The following SRRM4 variants were observed in gnomAD, a reference collection of about 807,000 sequenced individuals.
The protein encoded by SRRM4 is serine/arginine repetitive matrix 4.
Under a neutral mutation model 68.9 loss-of-function variants are expected in SRRM4, and 33 were observed. The ratio of observed to expected loss-of-function variants is 0.48; its 90% CI spans 0.36 to 0.64. The LOEUF (loss-of-function observed/expected upper bound fraction) is 0.64, where lower values mean the gene tolerates loss of function less well. Ranked by LOEUF, SRRM4 falls within the 30% of genes least tolerant of loss-of-function variation. The probability of loss-of-function intolerance (pLI) is 0.00; values close to 1 mark genes in which losing one functional copy is unlikely to be tolerated. For synonymous variants in SRRM4, 318 were observed against 318.8 expected (o/e 1.00, Z 0.03); for missense variants, 817 against 827.1 (o/e 0.99, Z 0.15).
chr12:119,040,432 A>G (rs1953660011), intron 1 of SRRM4, among the ~76,000 whole-genome samples: 1 of 152,176 alleles, frequency 6.6e-6, no homozygotes, highest in South Asian at 2.1e-4. Flanking sequence ...CCCACATATC[A>G]GTGAGAACAT....
chr12:119,078,065 A>T (rs1191306776), intron 1 of SRRM4, among the ~76,000 whole-genome samples: 1 of 152,176 alleles, frequency 6.6e-6, no homozygotes, highest in African/African-American at 2.4e-5. Flanking sequence ...GGTGGTTCTG[A>T]AGACCCTCCT....
At chr12:119,116,878 GA>G (rs1954183071) in intron 3 of SRRM4, 58 bp from the exon 4 acceptor site, 2 of 1,526,716 alleles carry the variant, frequency 1.3e-6, no homozygotes, top group Admixed American at 1.8e-5. Flanking sequence ...GGTTCTTTTT[GA>G]AACCAACCTT....
chr12:119,112,054 GA>G (rs568764971), intron 2 of SRRM4, among the ~76,000 whole-genome samples: 93 of 139,556 alleles, frequency 6.7e-4, no homozygotes, highest in East Asian at 3.1e-3. Context: ...TCAAAAAAAA[GA>G]AAAAAAAAAA....
At position 119,004,732 on chromosome 12, in the gene SRRM4, C is replaced by G. The variant is rs537847105; in HGVS notation, c.131+22719C>G. Among the ~76,000 whole-genome samples the G allele has an allele frequency of 1.1e-4, 17 of 152,080 alleles. No individual in the cohort carries two copies. In the South Asian group the frequency reaches 3.3e-3, roughly 30 times the overall value. On this transcript the variant is annotated intron_variant, in intron 1 of 12. Transcript: ENST00000267260. The stretch of plus-strand genomic sequence containing the variant: ...TTTCTCTCCTCTCGGCTCCCCCAGA[C>G]TCAGAAAAGAGGACAAGCACTGAGA...
At chr12:119,032,155 A>C (rs1953595974) in intron 1 of SRRM4, among the ~76,000 whole-genome samples, 1 of 152,066 alleles carries the variant, frequency 6.6e-6, no homozygotes, top group Admixed American at 6.6e-5. Context: ...ATAATATCTC[A>C]TAGTGTGTAT....
At chr12:119,097,264 A>T (rs1954051884) in intron 1 of SRRM4, among the ~76,000 whole-genome samples, 1 of 152,218 alleles carries the variant, frequency 6.6e-6, no homozygotes, top group African/African-American at 2.4e-5. Context: ...GGGGCTGTGG[A>T]GGGCTGAGGG....
At chr12:119,006,400 T>G (rs116287124) in intron 1 of SRRM4, among the ~76,000 whole-genome samples, 1 of 152,096 alleles carries the variant, frequency 6.6e-6, no homozygotes, top group African/African-American at 2.4e-5. Context: ...ATAGAAAAAT[T>G]GAAAAGTCCC....
At chr12:119,153,211 T>C (rs1349522697) in intron 10 of SRRM4, among the ~76,000 whole-genome samples, 2 of 152,206 alleles carry the variant, frequency 1.3e-5, no homozygotes, top group Non-Finnish European at 2.9e-5. Flanking sequence ...CCGAATTCAC[T>C]CATTCAATTT....
chr12:119,149,287 G>T lies in SRRM4; in HGVS notation c.1077-1730G>T, dbSNP rs569600703. Among the ~76,000 whole-genome samples the T allele has an allele frequency of 2.6e-5, 4 of 152,318 alleles. No individual in the cohort carries two copies. In the South Asian group the frequency reaches 8.3e-4, roughly 32 times the overall value. On this transcript the variant is annotated intron_variant, in intron 9 of 12. Transcript: ENST00000267260. The stretch of plus-strand genomic sequence containing the variant: ...CGCTTGAACCTGGGAGGCGGAGGTT[G>T]CAGTCAGCCAAGATCACGTCACTGC...
intron 8 of SRRM4, among the ~76,000 whole-genome samples, chr12:119,141,683 T>C (rs766421273): frequency 1.3e-5 from 2 of 152,214 alleles, no homozygotes; most frequent in Non-Finnish European, 2.9e-5. Context: ...CAAAATTTAC[T>C]GAGTGCCTAC....
At chr12:119,068,211 CA>C (rs1210644793) in intron 1 of SRRM4, among the ~76,000 whole-genome samples, 3 of 152,190 alleles carry the variant, frequency 2.0e-5, no homozygotes, top group Non-Finnish European at 4.4e-5. Flanking sequence ...TCTGTAATAG[CA>C]GTGGTAACCT....
At chr12:119,127,227 A>G (rs921240154) in intron 7 of SRRM4, among the ~76,000 whole-genome samples, 1 of 152,064 alleles carries the variant, frequency 6.6e-6, no homozygotes, top group African/African-American at 2.4e-5. Context: ...AATAAATTTA[A>G]AAAAAAGAAC....
At chr12:119,124,994 C>T (rs1954247608) in intron 6 of SRRM4, among the ~76,000 whole-genome samples, 1 of 152,202 alleles carries the variant, frequency 6.6e-6, no homozygotes, top group Non-Finnish European at 1.5e-5. Flanking sequence ...TAGTGCTGGG[C>T]TGATCCACAT....
chr12:119,152,235 A>G (rs1468327700), intron 10 of SRRM4, among the ~76,000 whole-genome samples: 4 of 152,238 alleles, frequency 2.6e-5, no homozygotes. Context: ...TTGCTTATTT[A>G]GCTGGTCATC....
At chr12:119,066,130 T>C (rs534320441) in intron 1 of SRRM4, among the ~76,000 whole-genome samples, 1 of 152,310 alleles carries the variant, frequency 6.6e-6, no homozygotes, top group East Asian at 1.9e-4. Flanking sequence ...ATTGAAGATA[T>C]CATTTTTAGT....
In SRRM4 at chr12:119,002,954, G is replaced by A. The variant is rs999893458; in HGVS notation, c.131+20941G>A. Reference sequence around the variant, plus strand: ...ATTTGAATGAAATTGCTTCAACCTCGCAACCACCCTTTAAGGCGGGCACAT... The same window carrying A: ...ATTTGAATGAAATTGCTTCAACCTCACAACCACCCTTTAAGGCGGGCACAT... On this transcript the variant is annotated intron_variant, in intron 1 of 12. Coordinates refer to ENST00000267260, the MANE Select transcript of SRRM4 (RefSeq NM_194286.4). Among the ~76,000 whole-genome samples, 5 of 150,308 alleles carry A rather than the reference G, an allele frequency of 3.3e-5. No individual in the cohort carries two copies. The South Asian group carries it at 6.4e-4, about 19-fold the overall frequency.
chr12:119,035,454 T>C (rs1346867891), intron 1 of SRRM4, among the ~76,000 whole-genome samples: 1 of 152,194 alleles, frequency 6.6e-6, no homozygotes, highest in Non-Finnish European at 1.5e-5. Flanking sequence ...CCAAGCAAAG[T>C]TTTCTTCACT....
intron 1 of SRRM4, among the ~76,000 whole-genome samples, chr12:119,060,495 TCATC>T (rs572478681): frequency 4.6e-5 from 7 of 151,258 alleles, no homozygotes; most frequent in Non-Finnish European, 8.8e-5. Context: ...ATTTACACCC[TCATC>T]CATTTACCCA....
chr12:119,152,263 C>T (rs1954444835), intron 10 of SRRM4, among the ~76,000 whole-genome samples: 1 of 151,894 alleles, frequency 6.6e-6, no homozygotes, highest in East Asian at 1.9e-4. Context: ...TGGTCCATTC[C>T]AAAAAATGAG....
Sources: gnomAD v4.1 joint callset for allele counts (sites outside exome capture counted in the v4.1 genomes callset) on GRCh38, gnomAD v4.1.1 for gene constraint, MANE v1.5 for transcripts, NCBI Gene and HGNC (gene_info 2026-07-23, HGNC 2026-07-21) for gene names.